Variants in GDAP2 observed in about 807,000 individuals in gnomAD.
GDAP2 encodes ganglioside induced differentiation associated protein 2.
A neutral mutation model predicts 67.0 loss-of-function variants in GDAP2; 51 were observed. The observed-to-expected ratio is 0.76, with a 90% confidence interval of 0.61 to 0.96. The LOEUF is 0.96. Among genes scored for constraint, GDAP2 ranks in the 40% least tolerant of loss-of-function variants. The pLI, the probability that GDAP2 is intolerant of heterozygous loss-of-function variation, is 0.00. For synonymous variants in GDAP2, 203 were observed against 207.3 expected, an observed-to-expected ratio of 0.98 and a Z score of 0.18; for missense variants, 547 against 588.3, an observed-to-expected ratio of 0.93 and a Z score of 0.73.
intron 6 of GDAP2, among the ~76,000 whole-genome samples, chr1:117,903,331 G>C (rs1000898763): frequency 6.6e-6 from 1 of 152,112 alleles, no homozygotes; most frequent in Admixed American, 6.6e-5. Context: ...ACTGGCAAGA[G>C]CAAAAATCTT....
chr1:117,898,700 AATGTT>A (rs1230676471), intron 7 of GDAP2, among the ~76,000 whole-genome samples: 1 of 152,166 alleles, frequency 6.6e-6, no homozygotes, highest in Non-Finnish European at 1.5e-5. Flanking sequence ...CTTAGTATTT[AATGTT>A]AAGTATGATT....
At chr1:117,871,030 T>C (rs1481454392) in intron 13 of GDAP2, among the ~76,000 whole-genome samples, 1 of 152,210 alleles carries the variant, frequency 6.6e-6, no homozygotes, top group East Asian at 1.9e-4. Context: ...AATTCAAATC[T>C]ATTTAAATCT....
chr1:117,874,798 T>A (rs1374480831), intron 13 of GDAP2, among the ~76,000 whole-genome samples: 3 of 152,180 alleles, frequency 2.0e-5, no homozygotes, highest in African/African-American at 7.2e-5. Context: ...AGGTCTCAGA[T>A]GGAAGTGGGG....
intron 3 of GDAP2, among the ~76,000 whole-genome samples, chr1:117,918,340 A>G (rs1650120226): frequency 6.6e-6 from 1 of 152,228 alleles, no homozygotes; most frequent in Non-Finnish European, 1.5e-5. Flanking sequence ...ACACAGCTAC[A>G]GTGATTGTCA....
intron 1 of GDAP2, 73 bp from the exon 2 acceptor site, chr1:117,920,497 C>T (rs1650214391): frequency 3.8e-6 from 2 of 531,430 alleles, no homozygotes; most frequent in Non-Finnish European, 6.7e-6. Flanking sequence ...AAGCAGTAAA[C>T]AAAATTCCAC....
At chr1:117,871,824 C>CT (rs143115266) in intron 13 of GDAP2, among the ~76,000 whole-genome samples, 2,024 of 152,106 alleles carry the variant, frequency 0.013, 37 homozygotes, top group South Asian at 0.091. Flanking sequence ...TTAATAAAAC[C>CT]TTTTTTTAAA....
intron 3 of GDAP2, chr1:117,913,473 T>G (rs567485462): frequency 6.6e-6 from 1 of 152,196 alleles, no homozygotes; most frequent in East Asian, 1.9e-4. Context: ...ACTAGAGAGT[T>G]TCTGGATTCC....
intron 5 of GDAP2, among the ~76,000 whole-genome samples, chr1:117,910,140 T>C (rs1411660919): frequency 1.3e-5 from 2 of 152,030 alleles, no homozygotes; most frequent in Non-Finnish European, 2.9e-5. Context: ...CAGTTCTAAC[T>C]CAAGCATAAT....
At chr1:117,904,122 G>A (rs1649577728) in intron 6 of GDAP2, among the ~76,000 whole-genome samples, 1 of 151,952 alleles carries the variant, frequency 6.6e-6, no homozygotes, top group Non-Finnish European at 1.5e-5. Context: ...TAGTAGCTGG[G>A]ATTACAGGCA....
At chr1:117,872,696 G>C (rs540774197) in intron 13 of GDAP2, among the ~76,000 whole-genome samples, 2 of 151,492 alleles carry the variant, frequency 1.3e-5, no homozygotes, top group Admixed American at 6.6e-5. Flanking sequence ...GGGGGAGGGT[G>C]GGGGGAGAGC....
intron 7 of GDAP2, 146 bp downstream of exon 7, chr1:117,898,910 CT>C (rs1361439096): frequency 1.5e-6 from 1 of 659,498 alleles, no homozygotes; most frequent in African/African-American, 1.8e-5. Flanking sequence ...AAGAATAGAA[CT>C]TGAAAACTTC....
Position 117,898,998 on chromosome 1 carries a change from T to C in GDAP2, c.796+59A>G, listed in dbSNP as rs184591495. On this transcript the variant is annotated intron_variant, in intron 7 of 13. Coordinates refer to ENST00000369443, the MANE Select transcript of GDAP2 (RefSeq NM_017686.4). ...GCTGAATTTCTTACTTCTTTGGTGA[T>C]TGGTGCCTATTTTTGGCCCTAAGAG... 110 of 1,253,202 alleles carry C rather than the reference T, an allele frequency of 8.8e-5. 1 individual carries two copies. In the East Asian group the frequency reaches 1.5e-3, roughly 17 times the overall value. 77.6% of individuals were successfully genotyped at this position (1,253,202 alleles called of 1,614,324 possible).
intron 1 of GDAP2, among the ~76,000 whole-genome samples, chr1:117,920,672 G>C (rs942392791): frequency 2.0e-5 from 3 of 151,118 alleles, no homozygotes; most frequent in African/African-American, 7.3e-5. Context: ...AATAATCACA[G>C]GCCCACCAAT....
chr1:117,927,451 T>C (rs1650490330), intron 1 of GDAP2, among the ~76,000 whole-genome samples: 1 of 152,162 alleles, frequency 6.6e-6, no homozygotes, highest in Non-Finnish European at 1.5e-5. Context: ...TACCTGTCTT[T>C]CAAAATGCTT....
chr1:117,906,425 A>C (rs917145583), intron 6 of GDAP2, 81 bp downstream of exon 6: 2 of 732,692 alleles, frequency 2.7e-6, no homozygotes, highest in Non-Finnish European at 4.7e-6. Context: ...CTGGAAACTC[A>C]GTAAATATGT....
chr1:117,915,960 T>G (rs1650033298), intron 3 of GDAP2, among the ~76,000 whole-genome samples: 1 of 152,224 alleles, frequency 6.6e-6, no homozygotes, highest in South Asian at 2.1e-4. Context: ...AAATATTCTC[T>G]TCTCTATGCT....
At chr1:117,893,073 T>A (rs992780591) in intron 8 of GDAP2, among the ~76,000 whole-genome samples, 1 of 152,162 alleles carries the variant, frequency 6.6e-6, no homozygotes, top group African/African-American at 2.4e-5. Flanking sequence ...TTACCAGTAG[T>A]ATCCAGCACA....
intron 8 of GDAP2, among the ~76,000 whole-genome samples, chr1:117,888,656 T>C (rs1000423082): frequency 2.0e-5 from 3 of 152,098 alleles, no homozygotes; most frequent in Admixed American, 2.0e-4. Context: ...CACCTAAATG[T>C]AGGAAAAGCA....
Position 117,920,308 on chromosome 1 carries a change from G to C in GDAP2, c.50C>G (p.Pro17Arg). The part of the protein sequence containing the change: ...PSQFVDVDTL[P>R]SWGDSCQDEL... Reference sequence around the variant, plus strand: ...ATCTTGGCATGAGTCACCCCAGCTTGGTAGTGTATCCACATCCACAAACTG... The same window carrying C: ...ATCTTGGCATGAGTCACCCCAGCTTCGTAGTGTATCCACATCCACAAACTG... Residue 17 changes from proline (P) to arginine (R), a missense_variant, in exon 2 of 14, where the codon CCA (proline) becomes CGA (arginine). Coordinates refer to ENST00000369443, the MANE Select transcript of GDAP2 (RefSeq NM_017686.4). 1.2e-6 allele frequency: 2 copies of C among 1,609,272 alleles called. No homozygotes were observed. The highest frequency in any genetic ancestry group is 1.7e-6 in the Non-Finnish European group (2 of 1,176,620).
Sources: gnomAD v4.1 joint callset for allele counts (sites outside exome capture counted in the v4.1 genomes callset) on GRCh38, gnomAD v4.1.1 for gene constraint, MANE v1.5 for transcripts, NCBI Gene and HGNC (gene_info 2026-07-23, HGNC 2026-07-21) for gene names.